The following MCHR2 variants were observed in gnomAD, a reference collection of about 807,000 sequenced individuals.
MCHR2 encodes the protein melanin concentrating hormone receptor 2.
In MCHR2, 15 loss-of-function variants were observed where a neutral mutation model predicts 24.8. The observed-to-expected ratio is 0.60, with a 90% CI of 0.40 to 0.93. MCHR2 has a LOEUF of 0.93. Among genes scored for constraint, MCHR2 ranks in the 40% least tolerant of loss-of-function variants. The probability of loss-of-function intolerance (pLI) is 0.00; values close to 1 mark genes in which losing one functional copy is unlikely to be tolerated. For missense variants in MCHR2, 386 were observed against 408.7 expected (o/e 0.94, Z 0.48); for synonymous variants, 151 against 147.6 (o/e 1.02, Z -0.17).
chr6:99,922,659 C>G (rs1380075136), intron 5 of MCHR2, among the ~76,000 whole-genome samples: 2 of 152,100 alleles, frequency 1.3e-5, no homozygotes, highest in South Asian at 2.1e-4. Flanking sequence ...TTTTCCCCAG[C>G]GTATATGTTC....
chr6:99,992,492 T>A (rs946464355), intron 1 of MCHR2, among the ~76,000 whole-genome samples: 2 of 152,198 alleles, frequency 1.3e-5, no homozygotes, highest in Non-Finnish European at 2.9e-5. Flanking sequence ...AGAGCCAGGC[T>A]GACACTAAAA....
Position 99,961,945 on chromosome 6 carries a change from AT to A in MCHR2, c.-27-5772del, listed in dbSNP as rs1562128335. On this transcript the variant is annotated intron_variant, in intron 1 of 5. Transcript: ENST00000281806. ...ATGACAGCCAAACTAGCACGAATTT[AT>A]TTTTTCCTTCTTCACAATTTCACAG... is the stretch of plus-strand genomic sequence containing the variant. Among the ~76,000 whole-genome samples the A allele has an allele frequency of 2.6e-5, 4 of 152,158 alleles. No homozygotes were observed. In the South Asian group the frequency reaches 8.3e-4, roughly 32 times the overall value.
intron 3 of MCHR2, among the ~76,000 whole-genome samples, chr6:99,946,335 A>T (rs1774871390): frequency 6.6e-6 from 1 of 152,212 alleles, no homozygotes; most frequent in Non-Finnish European, 1.5e-5. Context: ...GTTCTCTTGC[A>T]GAAAAACAAA....
chr6:99,966,654 A>C (rs1045761759), intron 1 of MCHR2, among the ~76,000 whole-genome samples: 1 of 152,166 alleles, frequency 6.6e-6, no homozygotes, highest in Non-Finnish European at 1.5e-5. Flanking sequence ...AGACTGTTTC[A>C]TTAGTTAAAT....
intron 5 of MCHR2, among the ~76,000 whole-genome samples, chr6:99,922,240 G>A (rs1247360138): frequency 4.6e-5 from 7 of 151,964 alleles, no homozygotes; most frequent in African/African-American, 1.7e-4. Context: ...CCGAGTAGCT[G>A]GGACTACAGG....
At position 99,934,401 on chromosome 6, in the gene MCHR2, C is replaced by T; in HGVS notation, c.704G>A (p.Arg235Lys). 1 of 1,575,254 alleles carries T rather than the reference C, an allele frequency of 6.3e-7. No individual in the cohort carries two copies. Among genetic ancestry groups the T allele is most frequent in the Non-Finnish European group, 8.6e-7 (1 of 1,166,988 alleles). ...WEMYQQNKDARCCNPSVPKQR... is the reference protein window; with the variant it reads ...WEMYQQNKDAKCCNPSVPKQR... The stretch of plus-strand genomic sequence containing the variant: ...ATAAAACAAGGCAAACACTTACCAT[C>T]TGGCATCCTTATTCTGTTGATACAT... Residue 235 changes from arginine (R) to lysine (K), a missense_variant, in exon 5 of 6, where the codon AGA (arginine) becomes AAA (lysine). Transcript: ENST00000281806.
At chr6:99,965,572 G>A (rs2114557604) in intron 1 of MCHR2, among the ~76,000 whole-genome samples, 1 of 152,162 alleles carries the variant, frequency 6.6e-6, no homozygotes, top group South Asian at 2.1e-4. Flanking sequence ...TTTAGACAAT[G>A]AAATACTAGT....
At chr6:99,956,196 T>C (rs757835638) in intron 1 of MCHR2, 22 bp from the exon 2 acceptor site, 3 of 1,464,558 alleles carry the variant, frequency 2.0e-6, no homozygotes, top group Non-Finnish European at 2.8e-6. Flanking sequence ...TAGGAAGTGA[T>C]TTATTTAGTG....
intron 3 of MCHR2, among the ~76,000 whole-genome samples, chr6:99,945,941 A>G (rs1774863927): frequency 1.3e-5 from 2 of 152,136 alleles, no homozygotes; most frequent in Non-Finnish European, 2.9e-5. Flanking sequence ...TTAAAAACAT[A>G]CACAGTTTGT....
At chr6:99,971,155 T>A (rs1050775366) in intron 1 of MCHR2, among the ~76,000 whole-genome samples, 2 of 152,210 alleles carry the variant, frequency 1.3e-5, no homozygotes, top group Non-Finnish European at 2.9e-5. Context: ...TCTTGGGCAG[T>A]ATGGCCATTT....
intron 4 of MCHR2, among the ~76,000 whole-genome samples, chr6:99,937,268 T>C (rs1047565496): frequency 1.3e-5 from 2 of 151,900 alleles, no homozygotes; most frequent in African/African-American, 4.8e-5. Flanking sequence ...TGAAAGTGGG[T>C]ATACTTGTCT....
intron 1 of MCHR2, among the ~76,000 whole-genome samples, chr6:99,980,630 GA>G (rs1562135149): frequency 6.6e-6 from 1 of 151,722 alleles, no homozygotes; most frequent in African/African-American, 2.4e-5. Context: ...GAGAGACAGA[GA>G]AAAAAAATTT....
intron 1 of MCHR2, among the ~76,000 whole-genome samples, chr6:99,967,224 T>C (rs1034736174): frequency 6.6e-6 from 1 of 152,058 alleles, no homozygotes; most frequent in Non-Finnish European, 1.5e-5. Context: ...AGTGTCAGTT[T>C]AATGTATTCT....
intron 1 of MCHR2, among the ~76,000 whole-genome samples, chr6:99,964,915 A>C (rs1290931219): frequency 6.6e-6 from 1 of 152,168 alleles, no homozygotes; most frequent in Non-Finnish European, 1.5e-5. Context: ...TTCCATTTTT[A>C]TAGAATTAAA....
intron 1 of MCHR2, among the ~76,000 whole-genome samples, chr6:99,980,602 A>G (rs1385250037): frequency 6.6e-6 from 1 of 151,628 alleles, no homozygotes; most frequent in Non-Finnish European, 1.5e-5. Flanking sequence ...TGAGAGTGAA[A>G]GAGAGGAGAG....
chr6:99,945,544 C>T (rs946400970), intron 3 of MCHR2, among the ~76,000 whole-genome samples: 3 of 152,114 alleles, frequency 2.0e-5, no homozygotes, highest in Non-Finnish European at 4.4e-5. Flanking sequence ...AATGCATGAT[C>T]TATTAAACTG....
At chr6:99,930,891 G>C (rs956192012) in intron 5 of MCHR2, among the ~76,000 whole-genome samples, 1 of 152,192 alleles carries the variant, frequency 6.6e-6, no homozygotes, top group African/African-American at 2.4e-5. Flanking sequence ...GAGGAGCTGT[G>C]TTCCTTTGGT....
intron 1 of MCHR2, among the ~76,000 whole-genome samples, chr6:99,989,342 A>C (rs1353903381): frequency 6.6e-6 from 1 of 152,246 alleles, no homozygotes; most frequent in African/African-American, 2.4e-5. Context: ...AGCAAGATTT[A>C]TAGAATGTTT....
chr6:99,948,925 A>G (rs1366133672), intron 2 of MCHR2, among the ~76,000 whole-genome samples: 1 of 152,168 alleles, frequency 6.6e-6, no homozygotes, highest in East Asian at 1.9e-4. Flanking sequence ...TCATCTGAAA[A>G]GAGGGAGCTG....
Sources: allele counts gnomAD v4.1 joint callset (sites outside exome capture counted in the v4.1 genomes callset), GRCh38; gene constraint gnomAD v4.1.1; transcripts MANE v1.5; gene names NCBI Gene and HGNC (gene_info 2026-07-23, HGNC 2026-07-21).